Variants in CMIP observed in about 807,000 individuals in gnomAD.
The protein encoded by CMIP is C-Maf-inducing protein.
A neutral mutation model predicts 97.3 loss-of-function variants in CMIP; 13 were observed. That is an observed-to-expected ratio of 0.13 (90% CI 0.09 to 0.21). The LOEUF (loss-of-function observed/expected upper bound fraction) is 0.21. Ranked by LOEUF, CMIP falls within the 10% of genes least tolerant of loss-of-function variation. CMIP has a pLI of 1.00. For missense variants in CMIP, 847 were observed against 1,024.9 expected, an observed-to-expected ratio of 0.83 and a Z score of 2.37; for synonymous variants, 538 against 436.3, an observed-to-expected ratio of 1.23 and a Z score of -2.91.
intron 1 of CMIP, among the ~76,000 whole-genome samples, chr16:81,503,988 G>C (rs2089658644): frequency 6.6e-6 from 1 of 152,244 alleles, no homozygotes; most frequent in Non-Finnish European, 1.5e-5. Flanking sequence ...TATAAATGGA[G>C]AGGTGAGGCT....
intron 1 of CMIP, among the ~76,000 whole-genome samples, chr16:81,548,884 C>T (rs77170515): frequency 2.8e-4 from 43 of 152,260 alleles, no homozygotes; most frequent in African/African-American, 1.0e-3. Flanking sequence ...TGTGTCTGGA[C>T]ATTGCCAAAT....
intron 1 of CMIP, among the ~76,000 whole-genome samples, chr16:81,581,376 T>C: frequency 6.6e-6 from 1 of 152,170 alleles, no homozygotes; most frequent in East Asian, 1.9e-4. Context: ...GCCTCACACC[T>C]GGGCTGTGAG....
chr16:81,571,098 A>G (rs1295764273), intron 1 of CMIP, among the ~76,000 whole-genome samples: 1 of 152,234 alleles, frequency 6.6e-6, no homozygotes, highest in Non-Finnish European at 1.5e-5. Flanking sequence ...AGGTGTGGGT[A>G]TGCGTATGGG....
intron 3 of CMIP, among the ~76,000 whole-genome samples, chr16:81,634,620 C>G (rs1453355004): frequency 1.3e-5 from 2 of 152,152 alleles, no homozygotes; most frequent in Admixed American, 1.3e-4. Context: ...AGCCGCCTCC[C>G]CAGGGAGGGC....
chr16:81,527,255 G>A (rs1027518808), intron 1 of CMIP, among the ~76,000 whole-genome samples: 10 of 152,180 alleles, frequency 6.6e-5, no homozygotes, highest in African/African-American at 2.4e-4. Flanking sequence ...GGTGGGGGAG[G>A]TTGGCTGAGT....
intron 1 of CMIP, among the ~76,000 whole-genome samples, chr16:81,575,942 A>G (rs1422894241): frequency 6.6e-6 from 1 of 152,228 alleles, no homozygotes; most frequent in Non-Finnish European, 1.5e-5. Context: ...ACTTTTCAAA[A>G]TAAGAGTAGT....
chr16:81,706,491 C>CG (rs34942729), intron 19 of CMIP, among the ~76,000 whole-genome samples: 74 of 152,166 alleles, frequency 4.9e-4, no homozygotes, highest in Non-Finnish European at 6.0e-4. Flanking sequence ...TGGAGTCCCC[C>CG]GGGGGGGCGC....
At chr16:81,552,243 C>T (rs963778009) in intron 1 of CMIP, among the ~76,000 whole-genome samples, 6 of 152,192 alleles carry the variant, frequency 3.9e-5, no homozygotes, top group African/African-American at 1.4e-4. Context: ...CTGTCTCTGA[C>T]GTCGGCTCAC....
At position 81,627,014 on chromosome 16, in the gene CMIP, G is replaced by T. The variant is rs1212819196; in HGVS notation, c.477+6088G>T. On this transcript the variant is annotated intron_variant, in intron 3 of 20. Transcript: ENST00000537098. This position sits in a 1 kb window ranked among gnomAD's most constrained non-coding sequence, Gnocchi z 4.6. ...AATGTGTGTGTGTGTGGCCTGTAGG[G>T]TGACTGTTTTATGAGTATGTGTGCA... Among the ~76,000 whole-genome samples, 1 of 149,704 alleles carries T rather than the reference G, an allele frequency of 6.7e-6. No homozygotes were observed. Among genetic ancestry groups the T allele is most frequent in the Non-Finnish European group, 1.5e-5 (1 of 67,564 alleles).
At chr16:81,619,480 T>C (rs1343488871) in intron 2 of CMIP, 1 of 152,240 alleles carries the variant, frequency 6.6e-6, no homozygotes, top group Non-Finnish European at 1.5e-5. Context: ...AGTGTGTGTG[T>C]GCGCGTTTGT....
chr16:81,675,147 C>T (rs886220202), intron 9 of CMIP, among the ~76,000 whole-genome samples: 2 of 152,088 alleles, frequency 1.3e-5, no homozygotes, highest in Non-Finnish European at 2.9e-5. Flanking sequence ...GAGAGAACCA[C>T]ATGGAAAGGC....
At chr16:81,633,881 G>A (rs1453410690) in intron 3 of CMIP, among the ~76,000 whole-genome samples, 5 of 152,328 alleles carry the variant, frequency 3.3e-5, no homozygotes, top group South Asian at 4.1e-4. Context: ...CTGGAGGCAG[G>A]AACAGACTCA....
rs1218645939 is a variant in CMIP at position 81,686,746 on chromosome 16, G to A, written c.1389-5029G>A. Among the ~76,000 whole-genome samples, 5 of 152,170 alleles carry A rather than the reference G, an allele frequency of 3.3e-5. No individual in the cohort carries two copies. In the South Asian group the frequency reaches 8.3e-4, roughly 25 times the overall value. On this transcript the variant is annotated intron_variant, in intron 10 of 20. Transcript: ENST00000537098. Reference sequence around the variant, plus strand: ...CCCTCACTCAGGGGTTATCTAAACCGCCTGTTGTCGATGGGAGTGAACATT... The same window carrying A: ...CCCTCACTCAGGGGTTATCTAAACCACCTGTTGTCGATGGGAGTGAACATT...
chr16:81,701,640 A>G lies in CMIP; in HGVS notation c.1756-20A>G, dbSNP rs1907419393. ...GGGTGGCAGGCCGGGTCCGTAATGCACCCCTGCGGTTCTGGACAGATCCTG... is the reference window on the plus strand; with the variant it reads ...GGGTGGCAGGCCGGGTCCGTAATGCGCCCCTGCGGTTCTGGACAGATCCTG... On this transcript the variant is annotated intron_variant, in intron 15 of 20. Transcript: ENST00000537098. The G allele has an allele frequency of 3.7e-6, 6 of 1,613,650 alleles. No homozygotes were observed. The highest frequency in any genetic ancestry group is 5.1e-6 in the Non-Finnish European group (6 of 1,179,778).
chr16:81,523,200 G>A (rs2090062287), intron 1 of CMIP, among the ~76,000 whole-genome samples: 1 of 152,330 alleles, frequency 6.6e-6, no homozygotes, highest in East Asian at 1.9e-4. Context: ...GATTCCAGGT[G>A]TGAGCTACCG....
chr16:81,451,218 T>C (rs1279620786), intron 1 of CMIP, among the ~76,000 whole-genome samples: 2 of 152,176 alleles, frequency 1.3e-5, no homozygotes, highest in Non-Finnish European at 1.5e-5. Context: ...TGGGGCGCTT[T>C]CCCCCATACT....
chr16:81,646,946 T>G lies in CMIP; in HGVS notation c.478-5257T>G, dbSNP rs1337211723. Among the ~76,000 whole-genome samples the G allele has an allele frequency of 2.6e-5, 4 of 152,218 alleles. No homozygotes were observed. The East Asian group carries it at 7.7e-4, about 29-fold the overall frequency. On this transcript the variant is annotated intron_variant, in intron 3 of 20. Coordinates refer to ENST00000537098, the MANE Select transcript of CMIP (RefSeq NM_198390.3). ...TCTTGGGCATGTCTTTGGAGTTTGTTTCTCTTTCTCTTGGGTAGATTTCTA... is the reference window on the plus strand; with the variant it reads ...TCTTGGGCATGTCTTTGGAGTTTGTGTCTCTTTCTCTTGGGTAGATTTCTA...
chr16:81,555,985 GACTGTT>G (rs1333793312), intron 1 of CMIP, among the ~76,000 whole-genome samples: 1 of 152,178 alleles, frequency 6.6e-6, no homozygotes, highest in Non-Finnish European at 1.5e-5. Context: ...GCTCCATTGT[GACTGTT>G]ACTTTTCTTA....
intron 10 of CMIP, among the ~76,000 whole-genome samples, chr16:81,682,401 C>T (rs374840979): frequency 6.6e-6 from 1 of 152,108 alleles, no homozygotes; most frequent in Non-Finnish European, 1.5e-5. Flanking sequence ...CTCGTCTCTA[C>T]TAAAAATACA....
Sources: gnomAD v4.1 joint callset for allele counts (sites outside exome capture counted in the v4.1 genomes callset) on GRCh38, gnomAD v4.1.1 for gene constraint, Gnocchi (gnomAD v3.1) non-coding constraint, MANE v1.5 for transcripts, NCBI Gene and HGNC (gene_info 2026-07-23, HGNC 2026-07-21) for gene names.